Variants in THSD7B observed in about 807,000 individuals in gnomAD.
THSD7B encodes thrombospondin type 1 domain containing 7B, also known as thrombospondin type-1 domain-containing protein 7B.
Under a neutral mutation model 213.6 loss-of-function variants are expected in THSD7B, and 138 were observed. The observed-to-expected ratio is 0.65, with a 90% CI of 0.56 to 0.74. The LOEUF is 0.74. Ranked by LOEUF, THSD7B falls within the 30% of genes least tolerant of loss-of-function variation. The probability of loss-of-function intolerance (pLI) is 0.00; values close to 1 mark genes in which losing one functional copy is unlikely to be tolerated. For synonymous variants in THSD7B, 742 were observed against 687.0 expected (o/e 1.08, Z -1.25); for missense variants, 1,931 against 1,991.5 (o/e 0.97, Z 0.58).
At chr2:137,606,280 G>C (rs1682175577) in intron 17 of THSD7B, among the ~76,000 whole-genome samples, 1 of 152,184 alleles carries the variant, frequency 6.6e-6, no homozygotes, top group Admixed American at 6.5e-5. Context: ...GAACAACAAT[G>C]TGACTAGAAA....
At chr2:137,020,593 G>A (rs116357742) in intron 2 of THSD7B, among the ~76,000 whole-genome samples, 1 of 152,098 alleles carries the variant, frequency 6.6e-6, no homozygotes, top group African/African-American at 2.4e-5. Flanking sequence ...ATGGCAGAGA[G>A]GAGAAACCCC....
intron 2 of THSD7B, among the ~76,000 whole-genome samples, chr2:136,928,356 C>T (rs1443002147): frequency 6.6e-6 from 1 of 152,078 alleles, no homozygotes; most frequent in Non-Finnish European, 1.5e-5. Context: ...GCTTTTGCAC[C>T]ATCATAAAGT....
chr2:137,410,843 T>G (rs1354231766), intron 13 of THSD7B, among the ~76,000 whole-genome samples: 1 of 152,218 alleles, frequency 6.6e-6, no homozygotes, highest in Non-Finnish European at 1.5e-5. Flanking sequence ...AAATTTTTAG[T>G]AATCCAGAGG....
chr2:137,387,314 C>G (rs1685918901), intron 12 of THSD7B, among the ~76,000 whole-genome samples: 2 of 152,146 alleles, frequency 1.3e-5, no homozygotes, highest in Non-Finnish European at 2.9e-5. Flanking sequence ...TCCGTCATTC[C>G]CTAACAAGGA....
At chr2:137,215,122 A>C (rs1458788385) in intron 7 of THSD7B, among the ~76,000 whole-genome samples, 1 of 152,086 alleles carries the variant, frequency 6.6e-6, no homozygotes, top group Non-Finnish European at 1.5e-5. Flanking sequence ...ATTGATCACC[A>C]TTCTAATTAG....
At chr2:137,063,256 T>C (rs1687312960) in intron 3 of THSD7B, among the ~76,000 whole-genome samples, 1 of 152,046 alleles carries the variant, frequency 6.6e-6, no homozygotes, top group Admixed American at 6.6e-5. Flanking sequence ...TTTTAATTAG[T>C]GTATTTAGAT....
At chr2:137,283,384 C>G (rs1683083917) in intron 12 of THSD7B, among the ~76,000 whole-genome samples, 1 of 152,104 alleles carries the variant, frequency 6.6e-6, no homozygotes, top group African/African-American at 2.4e-5. Context: ...ATTGAATGCC[C>G]TTTATTTCCT....
chr2:137,341,811 G>A (rs2104907970), intron 12 of THSD7B, among the ~76,000 whole-genome samples: 1 of 151,672 alleles, frequency 6.6e-6, no homozygotes, highest in Admixed American at 6.6e-5. Flanking sequence ...TCTCTATTTT[G>A]TTCCGTTGGT....
chr2:137,458,386 G>A (rs1687812928), intron 15 of THSD7B, among the ~76,000 whole-genome samples: 1 of 152,194 alleles, frequency 6.6e-6, no homozygotes, highest in African/African-American at 2.4e-5. Context: ...TCCTTCTCTT[G>A]GTAGCCATTG....
chr2:137,111,337 G>T (rs1487742122), intron 4 of THSD7B, among the ~76,000 whole-genome samples: 1 of 152,186 alleles, frequency 6.6e-6, no homozygotes, highest in African/African-American at 2.4e-5. Context: ...ATTGTCTACT[G>T]AAGTTGCATT....
At chr2:137,048,853 G>A (rs143417413) in intron 2 of THSD7B, among the ~76,000 whole-genome samples, 310 of 152,200 alleles carry the variant, frequency 2.0e-3, no homozygotes, top group African/African-American at 7.2e-3. Context: ...AGTATAAAGC[G>A]AACAGATATC....
At chr2:137,315,632 C>G (rs1161516582) in intron 12 of THSD7B, among the ~76,000 whole-genome samples, 1 of 152,150 alleles carries the variant, frequency 6.6e-6, no homozygotes, top group African/African-American at 2.4e-5. Context: ...AAAAGCCCCT[C>G]TATCTCTAGA....
intron 12 of THSD7B, among the ~76,000 whole-genome samples, chr2:137,376,873 A>T (rs2104958085): frequency 6.6e-6 from 1 of 152,318 alleles, no homozygotes; most frequent in Non-Finnish European, 1.5e-5. Flanking sequence ...TTTTAGTGGC[A>T]GTGAGAAAAA....
intron 15 of THSD7B, among the ~76,000 whole-genome samples, chr2:137,485,415 G>A (rs1223602300): frequency 6.6e-6 from 1 of 152,072 alleles, no homozygotes; most frequent in Non-Finnish European, 1.5e-5. Flanking sequence ...TGCTGTTTTG[G>A]TTACTGTAGC....
chr2:137,168,728 T>C (rs1056506568), intron 6 of THSD7B, among the ~76,000 whole-genome samples: 1 of 152,182 alleles, frequency 6.6e-6, no homozygotes, highest in Admixed American at 6.5e-5. Flanking sequence ...TAAATCATGG[T>C]GACTCATGCC....
intron 4 of THSD7B, among the ~76,000 whole-genome samples, chr2:137,105,128 A>G (rs1260202022): frequency 6.6e-6 from 1 of 152,206 alleles, no homozygotes; most frequent in Non-Finnish European, 1.5e-5. Flanking sequence ...TCAGGCCAAT[A>G]TACCTGATAT....
intron 1 of THSD7B, among the ~76,000 whole-genome samples, chr2:136,861,113 T>G (rs1228097381): frequency 1.3e-5 from 2 of 152,204 alleles, no homozygotes; most frequent in Non-Finnish European, 2.9e-5. Context: ...TTACCTTGAA[T>G]GAGGATATGG....
intron 15 of THSD7B, among the ~76,000 whole-genome samples, chr2:137,536,412 G>C (rs1293719287): frequency 6.6e-6 from 1 of 151,548 alleles, no homozygotes; most frequent in Non-Finnish European, 1.5e-5. Flanking sequence ...ATAGTACTTA[G>C]ATATGTGAAA....
At chr2:137,419,951 A>G (rs1355210440) in intron 14 of THSD7B, among the ~76,000 whole-genome samples, 1 of 152,126 alleles carries the variant, frequency 6.6e-6, no homozygotes, top group East Asian at 1.9e-4. Flanking sequence ...ATGTCTCTTG[A>G]ATATATACTC....
Sources: allele counts gnomAD v4.1 joint callset (sites outside exome capture counted in the v4.1 genomes callset), GRCh38; gene constraint gnomAD v4.1.1; transcripts MANE v1.5; gene names NCBI Gene and HGNC (gene_info 2026-07-23, HGNC 2026-07-21).